Variants in CDYL observed in about 807,000 individuals in gnomAD.
CDYL encodes chromodomain Y-like protein.
Under a neutral mutation model 47.3 loss-of-function variants are expected in CDYL, and 8 were observed. That is an observed-to-expected ratio of 0.17 (90% CI 0.10 to 0.31). The LOEUF is 0.31. Among genes scored for constraint, CDYL ranks in the 10% least tolerant of loss-of-function variants. The pLI is 1.00. For missense variants in CDYL, 471 were observed against 701.4 expected (o/e 0.67, Z 3.71); for synonymous variants, 266 against 265.0 (o/e 1.00, Z -0.04).
At chr6:4,740,352 T>C (rs781266629) in intron 3 of CDYL, among the ~76,000 whole-genome samples, 35 of 152,094 alleles carry the variant, frequency 2.3e-4, no homozygotes, top group Non-Finnish European at 4.1e-4. Flanking sequence ...CACTTGGCAA[T>C]GTCTGGAGGC....
At chr6:4,842,109 T>C (rs1221928641) in intron 1 of CDYL, among the ~76,000 whole-genome samples, 1 of 143,862 alleles carries the variant, frequency 7.0e-6, no homozygotes, top group Non-Finnish European at 1.5e-5. Context: ...ATATTTATAT[T>C]ATTTATATAT....
intron 1 of CDYL, among the ~76,000 whole-genome samples, chr6:4,863,827 T>A (rs1057409505): frequency 1.3e-5 from 2 of 152,220 alleles, no homozygotes; most frequent in Non-Finnish European, 2.9e-5. Flanking sequence ...TTCCTTTCCT[T>A]ATGTGGGACC....
intron 1 of CDYL, among the ~76,000 whole-genome samples, chr6:4,805,636 G>A (rs1181801355): frequency 2.6e-5 from 4 of 152,140 alleles, no homozygotes; most frequent in African/African-American, 4.8e-5. Flanking sequence ...AGCCAGTGGC[G>A]TAAAGTCCCA....
chr6:4,719,393 G>A (rs573081879), intron 2 of CDYL, among the ~76,000 whole-genome samples: 2 of 152,008 alleles, frequency 1.3e-5, no homozygotes, highest in South Asian at 2.1e-4. Flanking sequence ...TTAACATCAC[G>A]TCATCTAAAC....
chr6:4,922,005 C>T (rs989577349), intron 2 of CDYL, among the ~76,000 whole-genome samples: 15 of 152,102 alleles, frequency 9.9e-5, no homozygotes, highest in African/African-American at 3.1e-4. Flanking sequence ...ACGTAGGTAC[C>T]GTTCCTGCCT....
chr6:4,910,539 T>A (rs1334342256), intron 2 of CDYL, among the ~76,000 whole-genome samples: 2 of 152,248 alleles, frequency 1.3e-5, no homozygotes, highest in African/African-American at 2.4e-5. Context: ...AAGCCAGTGC[T>A]TGCTGGGCTG....
chr6:4,771,693 C>G (rs1176867864), upstream of CDYL, among the ~76,000 whole-genome samples: 1 of 152,216 alleles, frequency 6.6e-6, no homozygotes, highest in Non-Finnish European at 1.5e-5. Flanking sequence ...ACACTCATCT[C>G]TTGCCTAGTT....
chr6:4,725,825 G>A (rs752107354), intron 2 of CDYL, among the ~76,000 whole-genome samples: 8 of 152,256 alleles, frequency 5.3e-5, no homozygotes, highest in Non-Finnish European at 8.8e-5. Flanking sequence ...CGCCGAGAGC[G>A]AGCGAGGGCT....
chr6:4,941,198 T>C (rs2127523567), intron 4 of CDYL, among the ~76,000 whole-genome samples: 1 of 152,318 alleles, frequency 6.6e-6, no homozygotes, highest in African/African-American at 2.4e-5. Context: ...TGAGTGTTCA[T>C]ACATTTTGAT....
intron 2 of CDYL, 88 bp downstream of exon 2, chr6:4,892,467 G>C: frequency 7.3e-7 from 1 of 1,379,120 alleles, no homozygotes; most frequent in South Asian, 1.4e-5. Flanking sequence ...GCTGGGCAGA[G>C]TCCGGGGCTT....
intron 2 of CDYL, among the ~76,000 whole-genome samples, chr6:4,911,904 G>A (rs1300879942): frequency 1.3e-5 from 2 of 152,230 alleles, no homozygotes; most frequent in Non-Finnish European, 2.9e-5. Flanking sequence ...GAGACCATGT[G>A]TAGGCACTGA....
chr6:4,889,937 G>T, intron 1 of CDYL: 1 of 983,626 alleles, frequency 1.0e-6, no homozygotes, highest in Non-Finnish European at 1.2e-6. Context: ...TCTGCCTGGG[G>T]CCTGGCAGCA....
rs527626701 is a variant in CDYL at position 4,725,409 on chromosome 6, C to T, written c.104-9353C>T. On this transcript the variant is annotated intron_variant, in intron 2 of 8. Coordinates refer to the CDYL transcript ENST00000328908. ...GCGCTCGTGGGGGAGGCTCCGGCGGCGTAGGAGCCCACAGCGAGGTGGGGA... is the reference window on the plus strand; with the variant it reads ...GCGCTCGTGGGGGAGGCTCCGGCGGTGTAGGAGCCCACAGCGAGGTGGGGA... 2.9e-3 allele frequency among the ~76,000 whole-genome samples: 439 copies of T among 152,328 alleles called. 4 individuals are homozygous for T. The highest frequency in any genetic ancestry group is 5.2e-3 in the Admixed American group (80 of 15,302).
chr6:4,932,427 A>C (rs1352943206), intron 2 of CDYL, among the ~76,000 whole-genome samples: 2 of 150,358 alleles, frequency 1.3e-5, no homozygotes, highest in African/African-American at 2.5e-5. Context: ...TGACCTAATC[A>C]CCCCCCAAAG....
chr6:4,888,996 A>G (rs913774157), intron 1 of CDYL, among the ~76,000 whole-genome samples: 10 of 152,230 alleles, frequency 6.6e-5, no homozygotes, highest in Non-Finnish European at 1.5e-4. Context: ...AAGACTTAGC[A>G]TATGGTCTGT....
At chr6:4,763,179 G>T (rs1388354532) in intron 3 of CDYL, among the ~76,000 whole-genome samples, 3 of 152,136 alleles carry the variant, frequency 2.0e-5, no homozygotes, top group Non-Finnish European at 4.4e-5. Context: ...TATACCAGCT[G>T]ATATAGCCTT....
chr6:4,833,877 C>T (rs950728931), intron 1 of CDYL, among the ~76,000 whole-genome samples: 129 of 152,078 alleles, frequency 8.5e-4, no homozygotes, highest in Non-Finnish European at 1.7e-3. Flanking sequence ...TCTGTTTTAT[C>T]CGAGACTAGG....
At chr6:4,912,377 G>A (rs1757439569) in intron 2 of CDYL, among the ~76,000 whole-genome samples, 1 of 152,252 alleles carries the variant, frequency 6.6e-6, no homozygotes, top group Admixed American at 6.5e-5. Context: ...TCTGCACGTG[G>A]CCTGGAGGGT....
At chr6:4,810,297 T>TG (rs1463577892) in intron 1 of CDYL, among the ~76,000 whole-genome samples, 2 of 152,188 alleles carry the variant, frequency 1.3e-5, no homozygotes, top group Non-Finnish European at 2.9e-5. Flanking sequence ...ATTTCTCAAC[T>TG]AGCATGAGTT....
Sources: allele counts gnomAD v4.1 joint callset (sites outside exome capture counted in the v4.1 genomes callset), GRCh38; gene constraint gnomAD v4.1.1; transcripts MANE v1.5; gene names NCBI Gene and HGNC (gene_info 2026-07-23, HGNC 2026-07-21).